The following CASQ2 variants were observed in gnomAD, a reference collection of about 807,000 sequenced individuals.
CASQ2 encodes calsequestrin 2, also known as calsequestrin-2.
A neutral mutation model predicts 46.5 loss-of-function variants in CASQ2; 49 were observed. The ratio of observed to expected loss-of-function variants is 1.05; its 90% CI spans 0.84 to 1.34. The LOEUF (loss-of-function observed/expected upper bound fraction) is 1.34. Ranked by LOEUF, CASQ2 falls within the 40% of genes most tolerant of loss-of-function variation. The pLI, the probability that CASQ2 is intolerant of heterozygous loss-of-function variation, is 0.00. For synonymous variants in CASQ2, 174 were observed against 168.5 expected (o/e 1.03, Z -0.25); for missense variants, 486 against 481.3 (o/e 1.01, Z -0.09).
At chr1:115,763,861 A>G (rs184894462) in intron 1 of CASQ2, among the ~76,000 whole-genome samples, 3 of 152,328 alleles carry the variant, frequency 2.0e-5, no homozygotes, top group African/African-American at 7.2e-5. Flanking sequence ...TGGCTTGCAC[A>G]GCAGTTTCAA....
intron 2 of CASQ2, among the ~76,000 whole-genome samples, chr1:115,742,244 G>A (rs1337753204): frequency 6.6e-6 from 1 of 151,532 alleles, no homozygotes; most frequent in Non-Finnish European, 1.5e-5. Context: ...TACTATATAT[G>A]TATATTACAA....
At chr1:115,727,969 G>C (rs1448527611) in intron 5 of CASQ2, among the ~76,000 whole-genome samples, 2 of 152,184 alleles carry the variant, frequency 1.3e-5, no homozygotes, top group Non-Finnish European at 2.9e-5. Context: ...CAGGACCTCT[G>C]TTTGTGAAAT....
chr1:115,757,810 C>T (rs1460468047), intron 1 of CASQ2, among the ~76,000 whole-genome samples: 63 of 152,154 alleles, frequency 4.1e-4, no homozygotes, highest in Admixed American at 4.1e-3. Flanking sequence ...TACAATTGTA[C>T]TCAATACTTT....
At chr1:115,739,406 C>T (rs1345337600) in intron 3 of CASQ2, among the ~76,000 whole-genome samples, 6 of 152,050 alleles carry the variant, frequency 3.9e-5, no homozygotes, top group African/African-American at 9.7e-5. Flanking sequence ...TGAGCCACCA[C>T]GCTCCGCCAT....
At position 115,768,608 on chromosome 1, in the gene CASQ2, G is replaced by A. The variant is rs1198453381; in HGVS notation, c.-67C>T. 2.9e-5 allele frequency: 30 copies of A among 1,044,334 alleles called. No individual in the cohort carries two copies. The highest frequency in any genetic ancestry group is 4.4e-5 in the Non-Finnish European group (30 of 684,176). 64.7% of individuals were successfully genotyped at this position (1,044,334 alleles called of 1,614,324 possible). On this transcript the variant is annotated 5_prime_UTR_variant, in exon 1 of 11. Coordinates refer to ENST00000261448, the MANE Select transcript of CASQ2 (RefSeq NM_001232.4). ...CAGAATAGAGGACAGAAGACTGTTAGAGGCCTTGTTGAGCCAAGGAGAGAG... is the reference window on the plus strand; with the variant it reads ...CAGAATAGAGGACAGAAGACTGTTAAAGGCCTTGTTGAGCCAAGGAGAGAG...
At chr1:115,750,394 T>A (rs1443366139) in intron 1 of CASQ2, among the ~76,000 whole-genome samples, 1 of 152,240 alleles carries the variant, frequency 6.6e-6, no homozygotes, top group Non-Finnish European at 1.5e-5. Flanking sequence ...ATGCAGCCTC[T>A]GGGCATTGGT....
intron 1 of CASQ2, among the ~76,000 whole-genome samples, chr1:115,764,016 C>G (rs1171085268): frequency 6.6e-6 from 1 of 151,984 alleles, no homozygotes; most frequent in Non-Finnish European, 1.5e-5. Flanking sequence ...CTGTAAGAGA[C>G]AGCATGCAAA....
At chr1:115,710,861 A>G (rs1557786964) in intron 8 of CASQ2, among the ~76,000 whole-genome samples, 1 of 152,220 alleles carries the variant, frequency 6.6e-6, no homozygotes, top group South Asian at 2.1e-4. Context: ...TCCCACGGCA[A>G]GCGACTGGCC....
Position 115,768,531 on chromosome 1 carries a change from GTTCTC to G in CASQ2, c.6_10del (p.Lys2AsnfsTer21). Reference sequence around the variant, plus strand: ...ATAAATCCCCACAATAAACAAGTGAGTTCTCTTCATTTGGGAAAACTTTTGTTTCT... The same window carrying G: ...ATAAATCCCCACAATAAACAAGTGAGTTCATTTGGGAAAACTTTTGTTTCT... On this transcript the variant is annotated frameshift_variant, in exon 1 of 11. Transcript: ENST00000261448. LOFTEE classifies it high-confidence loss of function. The G allele has an allele frequency of 6.2e-7, 1 of 1,609,138 alleles. No individual in the cohort carries two copies. Among genetic ancestry groups the G allele is most frequent in the Non-Finnish European group, 8.5e-7 (1 of 1,175,524 alleles).
Position 115,765,592 on chromosome 1 carries a change from GA to G in CASQ2, c.234+2715del, listed in dbSNP as rs925145434. On this transcript the variant is annotated intron_variant, in intron 1 of 10. Coordinates refer to ENST00000261448, the MANE Select transcript of CASQ2 (RefSeq NM_001232.4). ...AATAGAAGAGAACAGGATAAAAATAGAAAAAAAAATTTAATTCCCCAAGTAA... is the reference window on the plus strand; with the variant it reads ...AATAGAAGAGAACAGGATAAAAATAGAAAAAAAATTTAATTCCCCAAGTAA... Among the ~76,000 whole-genome samples, 8 of 151,636 alleles carry G rather than the reference GA, an allele frequency of 5.3e-5. No homozygotes were observed. The East Asian group carries it at 5.8e-4, about 11-fold the overall frequency.
At chr1:115,748,025 T>G (rs1648446752) in intron 1 of CASQ2, among the ~76,000 whole-genome samples, 1 of 152,200 alleles carries the variant, frequency 6.6e-6, no homozygotes. Context: ...AAATTTTTTG[T>G]TTCTTTCCCA....
chr1:115,713,688 T>C (rs1173217844), intron 8 of CASQ2, among the ~76,000 whole-genome samples: 1 of 152,188 alleles, frequency 6.6e-6, no homozygotes, highest in Non-Finnish European at 1.5e-5. Context: ...GCTCTCAAGC[T>C]TCCAGGTGGT....
At chr1:115,701,583 G>A (rs568299050) in intron 10 of CASQ2, among the ~76,000 whole-genome samples, 157 bp from the exon 11 acceptor site, 120 of 152,294 alleles carry the variant, frequency 7.9e-4, no homozygotes, top group African/African-American at 2.7e-3. Context: ...ACGGCAAAAC[G>A]GTATGTGTAG....
intron 1 of CASQ2, among the ~76,000 whole-genome samples, chr1:115,752,250 T>C (rs573372873): frequency 6.6e-6 from 1 of 152,338 alleles, no homozygotes; most frequent in African/African-American, 2.4e-5. Context: ...CACTCCATGC[T>C]TTTCCTTTGC....
rs28730718 is a variant in CASQ2, at chr1:115,744,736, C to G, written c.319+92G>C. ...ATTTTATATATTTTAAAAGATAGTC[C>G]GCTTATGCAAGAATAATTGCAACTG... On this transcript the variant is annotated intron_variant, in intron 2 of 10. Coordinates refer to ENST00000261448, the MANE Select transcript of CASQ2 (RefSeq NM_001232.4). The G allele has an allele frequency of 8.6e-6, 7 of 816,784 alleles. No homozygotes were observed. In the African/African-American group the frequency reaches 1.2e-4, roughly 14 times the overall value. The allele number at this position is 816,784 out of a possible 1,614,324, so 50.6% of individuals were successfully genotyped here. A position where few individuals can be genotyped will look rare whatever the true frequency, so the allele number is the denominator to read the frequency against.
chr1:115,768,188 T>C lies in CASQ2; in HGVS notation c.234+120A>G, dbSNP rs767710781. On this transcript the variant is annotated intron_variant, in intron 1 of 10. Transcript: ENST00000261448. ...GCATCTGATTCACGTGAGGCCAAAA[T>C]AAAGCAGAGTTCAGTATATATTCTC... 3.7e-5 allele frequency: 28 copies of C among 757,202 alleles called. No individual in the cohort carries two copies. The Admixed American group carries it at 5.2e-4, about 14-fold the overall frequency. 46.9% of individuals were successfully genotyped at this position (757,202 alleles called of 1,614,324 possible). A position where few individuals can be genotyped will look rare whatever the true frequency, so the allele number is the denominator to read the frequency against.
At chr1:115,705,987 A>G (rs1350608929) in intron 8 of CASQ2, among the ~76,000 whole-genome samples, 1 of 152,218 alleles carries the variant, frequency 6.6e-6, no homozygotes, top group Non-Finnish European at 1.5e-5. Flanking sequence ...GACTAGGAGC[A>G]TACAATTTTT....
In CASQ2 at chr1:115,705,183, G is replaced by A. The variant is rs2101055914; in HGVS notation, c.939+9C>T. 1 of 1,576,966 alleles carries A rather than the reference G, an allele frequency of 6.3e-7. No homozygotes were observed. The highest frequency in any genetic ancestry group is 8.7e-7 in the Non-Finnish European group (1 of 1,145,924). ...AACTGAGGGTGGGGCGCTGGCTGGA[G>A]CCACTCACCAGAGGAAAGTCGTCCG... On this transcript the variant is annotated intron_variant, in intron 9 of 10. Coordinates refer to ENST00000261448, the MANE Select transcript of CASQ2 (RefSeq NM_001232.4).
intron 3 of CASQ2, among the ~76,000 whole-genome samples, chr1:115,739,802 A>C (rs1304821141): frequency 6.6e-6 from 1 of 152,230 alleles, no homozygotes; most frequent in Non-Finnish European, 1.5e-5. Flanking sequence ...TACTTAGGTA[A>C]GTCAATCACA....
Sources: allele counts gnomAD v4.1 joint callset (sites outside exome capture counted in the v4.1 genomes callset), GRCh38; gene constraint gnomAD v4.1.1; transcripts MANE v1.5; gene names NCBI Gene and HGNC (gene_info 2026-07-23, HGNC 2026-07-21).